ST6GALNAC5: variants seen among roughly 807,000 people sequenced by gnomAD.
The protein encoded by ST6GALNAC5 is ST6 N-acetylgalactosaminide alpha-2,6-sialyltransferase 5.
A neutral mutation model predicts 33.6 loss-of-function variants in ST6GALNAC5; 27 were observed. That is an observed-to-expected ratio of 0.80 (90% CI 0.59 to 1.11). The LOEUF (loss-of-function observed/expected upper bound fraction) is 1.11. Ranked by LOEUF, ST6GALNAC5 falls within the 50% of genes least tolerant of loss-of-function variation. The probability of loss-of-function intolerance (pLI) is 0.00; values close to 1 mark genes in which losing one functional copy is unlikely to be tolerated. For synonymous variants in ST6GALNAC5, 194 were observed against 171.2 expected (o/e 1.13, Z -1.04); for missense variants, 428 against 454.0 (o/e 0.94, Z 0.52).
intron 2 of ST6GALNAC5, among the ~76,000 whole-genome samples, chr1:76,987,934 A>T (rs1201110331): frequency 6.6e-6 from 1 of 152,132 alleles, no homozygotes; most frequent in Non-Finnish European, 1.5e-5. Flanking sequence ...AAAGCCAAGG[A>T]AGTTTTCTTC....
chr1:76,881,746 C>T (rs1653787248), intron 2 of ST6GALNAC5, among the ~76,000 whole-genome samples: 1 of 152,188 alleles, frequency 6.6e-6, no homozygotes, highest in Non-Finnish European at 1.5e-5. Context: ...AAAGGAATAG[C>T]TGCAAGTCAT....
At chr1:76,924,779 G>A (rs549117014) in intron 2 of ST6GALNAC5, among the ~76,000 whole-genome samples, 4 of 152,124 alleles carry the variant, frequency 2.6e-5, no homozygotes, top group Non-Finnish European at 4.4e-5. Flanking sequence ...GAAGAAATGT[G>A]TAGTCCTTTG....
chr1:76,957,222 T>C (rs1280756786), intron 2 of ST6GALNAC5, among the ~76,000 whole-genome samples: 1 of 152,182 alleles, frequency 6.6e-6, no homozygotes, highest in Admixed American at 6.5e-5. Flanking sequence ...ATGCTCCCTC[T>C]GAAGGCTCCA....
chr1:77,001,647 A>G (rs574634313), intron 2 of ST6GALNAC5, among the ~76,000 whole-genome samples: 1 of 152,256 alleles, frequency 6.6e-6, no homozygotes, highest in South Asian at 2.1e-4. Flanking sequence ...GATAGCTCTT[A>G]TTTTGAAATA....
rs968884273 is a variant in ST6GALNAC5 at position 76,875,131 on chromosome 1, ACAATTACAGTC to A, written c.261+6391_261+6401del. Among the ~76,000 whole-genome samples the A allele has an allele frequency of 5.3e-4, 80 of 152,346 alleles. 1 individual carries two copies. The highest frequency in any genetic ancestry group is 1.8e-3 in the African/African-American group (75 of 41,578). ...ACAGAAGAAGGAAGAAATACTCATG[ACAATTACAGTC>A]CTCGTTTCTGCAGCTGCTCAAGTAG... On this transcript the variant is annotated intron_variant, in intron 2 of 4. Transcript: ENST00000477717.
chr1:76,930,666 T>A lies in ST6GALNAC5; in HGVS notation c.261+61924T>A, dbSNP rs572666007. ...GCATTATGGCAGTTTCCTGTTACTT[T>A]ATGTAGGTACCTTGAAATAAATCTA... On this transcript the variant is annotated intron_variant, in intron 2 of 4. Coordinates refer to ENST00000477717, the MANE Select transcript of ST6GALNAC5 (RefSeq NM_030965.3). 2.0e-5 allele frequency among the ~76,000 whole-genome samples: 3 copies of A among 152,256 alleles called. No homozygotes were observed. In the South Asian group the frequency reaches 6.2e-4, roughly 32 times the overall value.
intron 2 of ST6GALNAC5, among the ~76,000 whole-genome samples, chr1:76,967,375 T>G (rs1033647036): frequency 1.3e-5 from 2 of 152,200 alleles, no homozygotes; most frequent in Non-Finnish European, 2.9e-5. Flanking sequence ...ATTTTCTAGT[T>G]TATTTGCATA....
Position 76,911,981 on chromosome 1 carries a change from C to T in ST6GALNAC5, c.261+43239C>T, listed in dbSNP as rs184431480. On this transcript the variant is annotated intron_variant, in intron 2 of 4. Transcript: ENST00000477717. ...CCTTCTGCTAGCTTTTGAATGTGTT[C>T]GCCCTTGCTTTTCTAGTTCTTATAA... Among the ~76,000 whole-genome samples, 168 of 151,950 alleles carry T rather than the reference C, an allele frequency of 1.1e-3. 1 individual carries two copies. Among genetic ancestry groups the T allele is most frequent in the Non-Finnish European group, 1.9e-3 (128 of 67,914 alleles).
intron 2 of ST6GALNAC5, among the ~76,000 whole-genome samples, chr1:76,905,903 G>C (rs545705875): frequency 8.9e-4 from 135 of 152,254 alleles, no homozygotes; most frequent in African/African-American, 3.1e-3. Flanking sequence ...GCTTTCCTTA[G>C]AGGGAGCGCT....
chr1:76,909,896 G>A, intron 2 of ST6GALNAC5, among the ~76,000 whole-genome samples: 1 of 151,976 alleles, frequency 6.6e-6, no homozygotes, highest in Non-Finnish European at 1.5e-5. Flanking sequence ...TCTATAGTGT[G>A]CTTGTTTTTC....
At chr1:77,010,683 C>T (rs1482206281) in intron 2 of ST6GALNAC5, among the ~76,000 whole-genome samples, 3 of 121,480 alleles carry the variant, frequency 2.5e-5, no homozygotes, top group African/African-American at 6.3e-5. Context: ...GGCCAGGAGG[C>T]GCTATGTCTG....
chr1:76,929,013 C>T (rs137996576), intron 2 of ST6GALNAC5, among the ~76,000 whole-genome samples: 159 of 152,258 alleles, frequency 1.0e-3, no homozygotes, highest in Admixed American at 2.4e-3. Flanking sequence ...TGTTAAAATA[C>T]GGAGGCCAGC....
rs766801107 is a variant in ST6GALNAC5, at chr1:76,868,647, T to C, written c.166T>C (p.Ser56Pro). 61 of 1,603,314 alleles carry C rather than the reference T, an allele frequency of 3.8e-5. No homozygotes were observed. Among genetic ancestry groups the C allele is most frequent in the Non-Finnish European group, 4.4e-5 (52 of 1,174,804 alleles). The change falls in exon 2 of 5, where the codon TCG (serine) becomes CCG (proline). Residue 56 changes from serine (S) to proline (P), a missense_variant. Coordinates refer to ENST00000477717, the MANE Select transcript of ST6GALNAC5 (RefSeq NM_030965.3). This position sits in a 1 kb window ranked among gnomAD's most constrained non-coding sequence, Gnocchi z 4.3. ...QQQQASATGS[S>P]QPAAESSTQQ... ...GCAGCAGGCGTCGGCCACCGGCAGCTCGCAGCCGGCGGCGGAGAGCAGCAC... is the reference window on the plus strand; with the variant it reads ...GCAGCAGGCGTCGGCCACCGGCAGCCCGCAGCCGGCGGCGGAGAGCAGCAC...
intron 2 of ST6GALNAC5, among the ~76,000 whole-genome samples, chr1:77,036,265 G>T (rs1179531869): frequency 2.0e-5 from 3 of 152,192 alleles, no homozygotes; most frequent in Non-Finnish European, 2.9e-5. Flanking sequence ...GCTGGACATG[G>T]AAGGGACAGT....
At chr1:76,879,083 G>C (rs1201644672) in intron 2 of ST6GALNAC5, among the ~76,000 whole-genome samples, 1 of 152,130 alleles carries the variant, frequency 6.6e-6, no homozygotes, top group Non-Finnish European at 1.5e-5. Context: ...AAAAACATAA[G>C]TGCTGCCCTC....
intron 3 of ST6GALNAC5, among the ~76,000 whole-genome samples, chr1:77,049,218 T>A (rs1218820426): frequency 6.6e-6 from 1 of 152,134 alleles, no homozygotes; most frequent in Non-Finnish European, 1.5e-5. Flanking sequence ...TTTTCCTTCT[T>A]CTCAAGGATG....
chr1:76,868,912 T>G lies in ST6GALNAC5; in HGVS notation c.261+170T>G, dbSNP rs1342117008. Reference sequence around the variant, plus strand: ...GCTAGTTCCAACTTGGTATGAATTCTTATTTGGAGAAAGACACAAAGTTTT... The same window carrying G: ...GCTAGTTCCAACTTGGTATGAATTCGTATTTGGAGAAAGACACAAAGTTTT... On this transcript the variant is annotated intron_variant, in intron 2 of 4. Transcript: ENST00000477717. This position sits in a 1 kb window ranked among gnomAD's most constrained non-coding sequence, Gnocchi z 4.3. The G allele has an allele frequency of 3.6e-6, 4 of 1,101,582 alleles. No homozygotes were observed. The South Asian group carries it at 7.4e-5, about 20-fold the overall frequency. 68.2% of individuals were successfully genotyped at this position (1,101,582 alleles called of 1,614,324 possible).
chr1:76,958,176 C>T (rs1000179405), intron 2 of ST6GALNAC5, among the ~76,000 whole-genome samples: 4 of 152,176 alleles, frequency 2.6e-5, no homozygotes, highest in South Asian at 2.1e-4. Flanking sequence ...GCTGGGGTGG[C>T]GGCAACCGCT....
At chr1:77,046,707 ATTAT>A (rs1235039122) in intron 3 of ST6GALNAC5, among the ~76,000 whole-genome samples, 1 of 152,252 alleles carries the variant, frequency 6.6e-6, no homozygotes, top group African/African-American at 2.4e-5. Context: ...AAGGAGGGGA[ATTAT>A]TTAGTTTCAT....
Sources: gnomAD v4.1 joint callset for allele counts (sites outside exome capture counted in the v4.1 genomes callset) on GRCh38, gnomAD v4.1.1 for gene constraint, Gnocchi (gnomAD v3.1) non-coding constraint, MANE v1.5 for transcripts, NCBI Gene and HGNC (gene_info 2026-07-23, HGNC 2026-07-21) for gene names.